Variants in CCNJ observed in about 807,000 individuals in gnomAD.
CCNJ encodes cyclin-J.
In CCNJ, 12 loss-of-function variants were observed where a neutral mutation model predicts 41.4. The observed-to-expected ratio is 0.29, with a 90% CI of 0.19 to 0.47. The LOEUF is 0.47. Ranked by LOEUF, CCNJ falls within the 20% of genes least tolerant of loss-of-function variation. The pLI, the probability that CCNJ is intolerant of heterozygous loss-of-function variation, is 1.00. For missense variants in CCNJ, 340 were observed against 464.6 expected (o/e 0.73, Z 2.47); for synonymous variants, 161 against 173.4 (o/e 0.93, Z 0.56).
intron 3 of CCNJ, among the ~76,000 whole-genome samples, chr10:96,056,046 A>C (rs1194466390): frequency 6.6e-6 from 1 of 152,240 alleles, no homozygotes; most frequent in South Asian, 2.1e-4. Flanking sequence ...GCAGTGGCTC[A>C]CGCCTGTAAT....
intron 2 of CCNJ, among the ~76,000 whole-genome samples, chr10:96,046,392 C>T (rs1386632704): frequency 3.3e-5 from 5 of 152,176 alleles, no homozygotes; most frequent in Admixed American, 3.3e-4. Flanking sequence ...GTTTGTAATA[C>T]ACTGAAGGAA....
intron 3 of CCNJ, among the ~76,000 whole-genome samples, chr10:96,053,815 C>T (rs1185508667): frequency 1.3e-5 from 2 of 152,134 alleles, no homozygotes; most frequent in East Asian, 1.9e-4. Context: ...GTTTAATTTA[C>T]ATCTCAATTT....
chr10:96,044,546 G>A, intron 2 of CCNJ, 84 bp downstream of exon 2: 1 of 1,086,766 alleles, frequency 9.2e-7, no homozygotes, highest in Non-Finnish European at 1.2e-6. Flanking sequence ...GGTCTAGTCA[G>A]GTTCTTTACT....
intron 1 of CCNJ, 84 bp from the exon 2 acceptor site, chr10:96,044,269 G>A (rs2080297929): frequency 1.7e-6 from 1 of 593,054 alleles, no homozygotes; most frequent in African/African-American, 1.9e-5. Context: ...CACACCGGGT[G>A]GCCTGAGGTC....
At chr10:96,046,131 G>C (rs1363260645) in intron 2 of CCNJ, among the ~76,000 whole-genome samples, 5 of 152,084 alleles carry the variant, frequency 3.3e-5, no homozygotes, top group Non-Finnish European at 7.4e-5. Context: ...TTGTGGATTA[G>C]TTTCTGGAGC....
chr10:96,058,150 T>A lies in CCNJ; in HGVS notation c.1061T>A (p.Val354Glu), dbSNP rs1591024517. The change falls in exon 6 of 6, where the codon GTA becomes GAA. Residue 354 changes from valine to glutamate, a missense_variant. Transcript: ENST00000465148. ...GTTGGGATGTCACTGGCAATACCAG[T>A]AGAAGTTAAGCCCTGTCTGAGTGTT... ...TGVGMSLAIP[V>E]EVKPCLSVSY... The A allele has an allele frequency of 6.2e-7, 1 of 1,614,168 alleles. No homozygotes were observed. The highest frequency in any genetic ancestry group is 2.2e-5 in the East Asian group (1 of 44,888).
At chr10:96,044,320 C>T (rs1470292360) in intron 1 of CCNJ, 33 bp from the exon 2 acceptor site, 1 of 1,244,952 alleles carries the variant, frequency 8.0e-7, no homozygotes, top group South Asian at 2.1e-5. Flanking sequence ...GCGGGGGAGC[C>T]GGCAGTGACC....
Position 96,050,279 on chromosome 10 carries a change from A to C in CCNJ, c.93A>C (p.Lys31Asn), listed in dbSNP as rs766382647. The change falls in exon 3 of 6, where the codon AAA becomes AAC. Residue 31 changes from lysine (K) to asparagine (N), a missense_variant. Physicochemically the swap from Lys to Asn is moderately conservative, Grantham distance 94 (BLOSUM62 0). Around this residue, in one of 3 missense-constraint regions of CCNJ, gnomAD observed 44 missense variants for 43.6 expected, o/e 1.01. Coordinates refer to ENST00000465148, the MANE Select transcript of CCNJ (RefSeq NM_001134375.2). ...AGGAGCTGAAGTTGCCCTCCTATAAAGGCCAGTCCCCTCAGTTAAGTCTCA... is the reference window on the plus strand; with the variant it reads ...AGGAGCTGAAGTTGCCCTCCTATAACGGCCAGTCCCCTCAGTTAAGTCTCA... Reference protein sequence around the residue: ...RYKELKLPSYKGQSPQLSLRR... With the variant: ...RYKELKLPSYNGQSPQLSLRR... The C allele has an allele frequency of 2.5e-6, 4 of 1,613,918 alleles. No homozygotes were observed. The highest frequency in any genetic ancestry group is 3.4e-6 in the Non-Finnish European group (4 of 1,179,950).
At position 96,044,356 on chromosome 10, in the gene CCNJ, C is replaced by G. The variant is rs893375776; in HGVS notation, c.-38C>G. On this transcript the variant is annotated 5_prime_UTR_variant, in exon 2 of 6. Coordinates refer to ENST00000465148, the MANE Select transcript of CCNJ (RefSeq NM_001134375.2). ...GCGCCTGGGGTGTGTCTTACAGACT[C>G]GAGTTGCCGCGTCGGGCTGGGCGCG... 5.4e-6 allele frequency: 8 copies of G among 1,489,008 alleles called. No homozygotes were observed. The highest frequency in any genetic ancestry group is 5.1e-5 in the East Asian group (2 of 39,416). 92.2% of individuals were successfully genotyped at this position (1,489,008 alleles called of 1,614,324 possible).
In CCNJ at chr10:96,057,325, C is replaced by T. The variant is rs543152617; in HGVS notation, c.740+78C>T. On this transcript the variant is annotated intron_variant, in intron 5 of 5. Transcript: ENST00000465148. ...GTATGAGGTGCCCTGAAAACAGCTT[C>T]TGAAAGGCACAGAGTTCCTAGGTTA... 23 of 1,244,162 alleles carry T rather than the reference C, an allele frequency of 1.8e-5. No homozygotes were observed. In the African/African-American group the frequency reaches 3.3e-4, roughly 18 times the overall value. The allele number at this position is 1,244,162 out of a possible 1,614,324, so 77.1% of individuals were successfully genotyped here. A position where few individuals can be genotyped will look rare whatever the true frequency, so the allele number is the denominator to read the frequency against.
chr10:96,049,481 C>CTTTTTTTT (rs150769179), intron 2 of CCNJ, among the ~76,000 whole-genome samples: 2 of 108,308 alleles, frequency 1.8e-5, no homozygotes, highest in African/African-American at 7.1e-5. Context: ...TTTTCTTTTT[C>CTTTTTTTT]TTTTTTTTTT....
intron 3 of CCNJ, among the ~76,000 whole-genome samples, chr10:96,052,624 T>C (rs1396404142): frequency 6.6e-6 from 1 of 152,196 alleles, no homozygotes; most frequent in Non-Finnish European, 1.5e-5. Flanking sequence ...TATTGAACTA[T>C]TTGGATTAAT....
chr10:96,058,077 G>C lies in CCNJ; in HGVS notation c.988G>C (p.Ala330Pro), dbSNP rs1203548441. The change falls in exon 6 of 6, where the codon GCT becomes CCT. Residue 330 changes from alanine to proline, a missense_variant. Coordinates refer to ENST00000465148, the MANE Select transcript of CCNJ (RefSeq NM_001134375.2). ...TSSYTLQTCPAGFQTSVQGLG... is the reference protein window; with the variant it reads ...TSSYTLQTCPPGFQTSVQGLG... ...ATCTTACACACTACAGACATGTCCTGCTGGCTTCCAAACTAGTGTTCAGGG... is the reference window on the plus strand; with the variant it reads ...ATCTTACACACTACAGACATGTCCTCCTGGCTTCCAAACTAGTGTTCAGGG... The C allele has an allele frequency of 6.2e-7, 1 of 1,614,170 alleles. No individual in the cohort carries two copies. The highest frequency in any genetic ancestry group is 1.7e-5 in the Admixed American group (1 of 60,022).
intron 1 of CCNJ, 111 bp downstream of exon 1, chr10:96,043,830 C>T (rs1045969320): frequency 7.8e-6 from 3 of 384,242 alleles, no homozygotes; most frequent in Non-Finnish European, 1.4e-5. Flanking sequence ...CTTTTGTTCC[C>T]CTTTCTGAGG....
chr10:96,046,773 A>G (rs975947808), intron 2 of CCNJ, among the ~76,000 whole-genome samples: 4 of 152,170 alleles, frequency 2.6e-5, no homozygotes, highest in African/African-American at 9.7e-5. Context: ...CACTCCCTCA[A>G]AAAACCCCTA....
In CCNJ at chr10:96,059,160, C is replaced by A. The variant is rs764394697; in HGVS notation, c.*919C>A. 2.0e-5 allele frequency: 3 copies of A among 152,552 alleles called. No homozygotes were observed. Among genetic ancestry groups the A allele is most frequent in the Non-Finnish European group, 4.4e-5 (3 of 68,024 alleles). The allele number at this position is 152,552 out of a possible 1,614,324, so 9.4% of individuals were successfully genotyped here. A position where few individuals can be genotyped will look rare whatever the true frequency, so the allele number is the denominator to read the frequency against. ...AGGTTTTGCATATCTCAGTGCAATC[C>A]ATGATTTATACTCAGAATCGACATT... is the stretch of plus-strand genomic sequence containing the variant. On this transcript the variant is annotated 3_prime_UTR_variant, in exon 6 of 6. Coordinates refer to ENST00000465148, the MANE Select transcript of CCNJ (RefSeq NM_001134375.2).
Position 96,058,063 on chromosome 10 carries a change from T to C in CCNJ, c.974T>C (p.Leu325Pro). Residue 325 changes from leucine to proline, a missense_variant, in exon 6 of 6, where the codon CTA becomes CCA. Leu to Pro is a moderately conservative substitution (Grantham distance 98). Transcript: ENST00000465148. ...ACCACACACACCTCATCTTACACAC[T>C]ACAGACATGTCCTGCTGGCTTCCAA... ...VSTTHTSSYTLQTCPAGFQTS... is the reference protein window; with the variant it reads ...VSTTHTSSYTPQTCPAGFQTS... 1 of 1,614,142 alleles carries C rather than the reference T, an allele frequency of 6.2e-7. No individual in the cohort carries two copies. Among genetic ancestry groups the C allele is most frequent in the Non-Finnish European group, 8.5e-7 (1 of 1,180,020 alleles).
At position 96,044,440 on chromosome 10, in the gene CCNJ, T is replaced by C. The variant is rs2080303597; in HGVS notation, c.47T>C (p.Ile16Thr). The C allele has an allele frequency of 1.3e-6, 2 of 1,559,838 alleles. No homozygotes were observed. Among genetic ancestry groups the C allele is most frequent in the Non-Finnish European group, 1.7e-6 (2 of 1,147,840 alleles). The change falls in exon 2 of 6, where the codon ATT (isoleucine) becomes ACT (threonine). Residue 16 changes from isoleucine (I) to threonine (T), a missense_variant. Transcript: ENST00000465148. ...QWWRGQLAAD[I>T]HQALRYKELK... ...TGGCGAGGACAGCTGGCCGCCGATA[T>C]TCACCAAGCGCTTCGCTACAAGGTA...
At position 96,059,091 on chromosome 10, in the gene CCNJ, G is replaced by C. The variant is rs2080766157; in HGVS notation, c.*850G>C. On this transcript the variant is annotated 3_prime_UTR_variant, in exon 6 of 6. Transcript: ENST00000465148. ...TGTTTTCAAATGAGAACATAATATA[G>C]CTCAGAATGAAGTGGTAGTTCCTGT... 1.3e-5 allele frequency: 2 copies of C among 152,600 alleles called. No individual in the cohort carries two copies. Among genetic ancestry groups the C allele is most frequent in the Non-Finnish European group, 2.9e-5 (2 of 68,032 alleles). The allele number at this position is 152,600 out of a possible 1,614,324, so 9.5% of individuals were successfully genotyped here.
Sources: allele counts gnomAD v4.1 joint callset (sites outside exome capture counted in the v4.1 genomes callset), GRCh38; gene constraint gnomAD v4.1.1; regional missense constraint gnomAD v4.1.1; transcripts MANE v1.5; gene names NCBI Gene and HGNC (gene_info 2026-07-23, HGNC 2026-07-21).